BICC1: variants seen among roughly 807,000 people sequenced by gnomAD.
BICC1 encodes the protein protein bicaudal C homolog 1.
A neutral mutation model predicts 111.0 loss-of-function variants in BICC1; 43 were observed. The observed-to-expected ratio is 0.39, with a 90% confidence interval of 0.30 to 0.50. The LOEUF is 0.50. Ranked by LOEUF, BICC1 falls within the 20% of genes least tolerant of loss-of-function variation. The pLI, the probability that BICC1 is intolerant of heterozygous loss-of-function variation, is 0.88. For missense variants in BICC1, 1,091 were observed against 1,203.2 expected (o/e 0.91, Z 1.38); for synonymous variants, 467 against 434.4 (o/e 1.07, Z -0.93).
At chr10:58,783,008 G>A (rs1842921198) in intron 3 of BICC1, among the ~76,000 whole-genome samples, 1 of 152,202 alleles carries the variant, frequency 6.6e-6, no homozygotes, top group Non-Finnish European at 1.5e-5. Flanking sequence ...ACTTGGGTTG[G>A]TCAGACGCCC....
At chr10:58,600,663 C>A (rs10763564) in intron 1 of BICC1, among the ~76,000 whole-genome samples, 70,869 of 151,702 alleles carry the variant, frequency 0.47, 17,539 homozygotes, top group Admixed American at 0.63. Flanking sequence ...TTTTCTTGCA[C>A]CTATGCCACC....
intron 1 of BICC1, among the ~76,000 whole-genome samples, chr10:58,563,242 G>T (rs760301943): frequency 6.6e-6 from 1 of 152,108 alleles, no homozygotes; most frequent in Non-Finnish European, 1.5e-5. Flanking sequence ...GCTCTGTGCC[G>T]CAGCAGCCTG....
At chr10:58,525,438 C>A (rs1001230385) in intron 1 of BICC1, among the ~76,000 whole-genome samples, 6 of 117,862 alleles carry the variant, frequency 5.1e-5, no homozygotes, top group African/African-American at 1.6e-4. Context: ...GGGAAACCAT[C>A]ATTCTCAGCA....
At position 58,774,596 on chromosome 10, in the gene BICC1, A is replaced by G. The variant is rs1241218876; in HGVS notation, c.308-10405A>G. The stretch of plus-strand genomic sequence containing the variant: ...GTGACTCTGTTGCTTAGAAGTAATC[A>G]CTATTAATTTGGTTTTCTTCTCTTC... On this transcript the variant is annotated intron_variant, in intron 3 of 20. Coordinates refer to ENST00000373886, the MANE Select transcript of BICC1 (RefSeq NM_001080512.3). Among the ~76,000 whole-genome samples, 3 of 152,322 alleles carry G rather than the reference A, an allele frequency of 2.0e-5. No individual in the cohort carries two copies. In the East Asian group the frequency reaches 5.8e-4, roughly 29 times the overall value.
chr10:58,579,654 G>T (rs943144071), intron 1 of BICC1, among the ~76,000 whole-genome samples: 14 of 152,132 alleles, frequency 9.2e-5, no homozygotes, highest in African/African-American at 3.4e-4. Context: ...ATCCCTAATT[G>T]TTCCTAATTT....
Position 58,784,921 on chromosome 10 carries a change from C to CAATTTTA in BICC1, c.308-77_308-71dup, listed in dbSNP as rs1842968852. 5 of 668,834 alleles carry CAATTTTA rather than the reference C, an allele frequency of 7.5e-6. No homozygotes were observed. The Admixed American group carries it at 1.4e-4, about 19-fold the overall frequency. The allele number at this position is 668,834 out of a possible 1,614,324, so 41.4% of individuals were successfully genotyped here. On this transcript the variant is annotated intron_variant, in intron 3 of 20. Coordinates refer to ENST00000373886, the MANE Select transcript of BICC1 (RefSeq NM_001080512.3). Reference sequence around the variant, plus strand: ...TATGGAACCTCTTATGTTCTAGAGTCAATTTTAAAACAGAGTTTTTAAAAC... The same window carrying CAATTTTA: ...TATGGAACCTCTTATGTTCTAGAGTCAATTTTAAATTTTAAAACAGAGTTTTTAAAAC...
intron 3 of BICC1, among the ~76,000 whole-genome samples, chr10:58,777,665 C>T (rs1325573046): frequency 1.3e-5 from 2 of 152,076 alleles, no homozygotes; most frequent in Admixed American, 6.5e-5. Context: ...TCTTACAATT[C>T]GCTCACGTCA....
At chr10:58,701,925 T>C in intron 2 of BICC1, 149 bp from the exon 3 acceptor site, 1 of 546,388 alleles carries the variant, frequency 1.8e-6, no homozygotes, top group Admixed American at 3.7e-5. Flanking sequence ...CCCCAGGGTT[T>C]TTTTTTTCTT....
chr10:58,737,348 G>A (rs1317898100), intron 3 of BICC1, among the ~76,000 whole-genome samples: 3 of 152,154 alleles, frequency 2.0e-5, no homozygotes, highest in Admixed American at 6.5e-5. Context: ...AACATGCGGT[G>A]TTTGGTTTTT....
chr10:58,528,385 T>C (rs1842599655), intron 1 of BICC1, among the ~76,000 whole-genome samples: 1 of 151,886 alleles, frequency 6.6e-6, no homozygotes, highest in African/African-American at 2.4e-5. Context: ...TAATGTTAAT[T>C]ATATTTGTAT....
At chr10:58,512,548 G>A (rs2132478570), upstream of BICC1, among the ~76,000 whole-genome samples, 1 of 152,292 alleles carries the variant, frequency 6.6e-6, no homozygotes, top group Middle Eastern at 3.4e-3. Context: ...AGATTTGTAT[G>A]TGTAAGTGCA....
chr10:58,719,771 G>T (rs1161979641), intron 3 of BICC1, among the ~76,000 whole-genome samples: 2 of 152,188 alleles, frequency 1.3e-5, no homozygotes, highest in African/African-American at 4.8e-5. Context: ...ATTATCATTA[G>T]ATTTAGGATA....
chr10:58,601,413 T>C (rs1204928434), intron 1 of BICC1, among the ~76,000 whole-genome samples: 1 of 151,642 alleles, frequency 6.6e-6, no homozygotes, highest in African/African-American at 2.4e-5. Flanking sequence ...CAAATCCAAA[T>C]CATCTTTTCA....
At chr10:58,820,156 C>A (rs573661811) in intron 19 of BICC1, among the ~76,000 whole-genome samples, 2 of 152,144 alleles carry the variant, frequency 1.3e-5, no homozygotes, top group Admixed American at 1.3e-4. Flanking sequence ...CTATAGTTGC[C>A]GGGTTGCTCA....
intron 2 of BICC1, among the ~76,000 whole-genome samples, chr10:58,691,422 A>G (rs1839903769): frequency 6.6e-6 from 1 of 152,162 alleles, no homozygotes; most frequent in African/African-American, 2.4e-5. Context: ...ACATATTTTT[A>G]TGTCCCAGAG....
chr10:58,803,162 G>A lies in BICC1; in HGVS notation c.2101G>A (p.Ala701Thr), dbSNP rs775676179. 22 of 1,611,682 alleles carry A rather than the reference G, an allele frequency of 1.4e-5. No individual in the cohort carries two copies. Among genetic ancestry groups the A allele is most frequent in the Middle Eastern group, 1.7e-4 (1 of 6,044 alleles). ...ADKKAPGSER[A>T]AERAAAAQQN... ...CAAGAAGGCTCCAGGGAGTGAGCGC[G>A]CTGCAGAGAGGGCAGCAGCTGCCCA... The change falls in exon 15 of 21, where the codon GCT becomes ACT. Residue 701 changes from alanine to threonine, a missense_variant. By Grantham distance (58) the Ala-to-Thr change is moderately conservative (BLOSUM62 0). Coordinates refer to ENST00000373886, the MANE Select transcript of BICC1 (RefSeq NM_001080512.3).
In BICC1 at chr10:58,786,910, T is replaced by C. The variant is rs1843025510; in HGVS notation, c.388-13T>C. 1.9e-6 allele frequency: 3 copies of C among 1,552,436 alleles called. No homozygotes were observed. The highest frequency in any genetic ancestry group is 2.4e-5 in the East Asian group (1 of 42,092). ...TTGCATACATCAAGTAATAATACAT[T>C]ATTTTCACATAGAGCAATCGAGTCA... On this transcript the variant is annotated splice_polypyrimidine_tract_variant and intron_variant, in intron 4 of 20. Transcript: ENST00000373886.
chr10:58,513,066 G>A lies in BICC1; in HGVS notation c.-78G>A. Reference sequence around the variant, plus strand: ...AGCGCCGCGGCGCTGGGAGCCAGTTGAGCCCGGCCGGCGAGCGGAGGCGGC... The same window carrying A: ...AGCGCCGCGGCGCTGGGAGCCAGTTAAGCCCGGCCGGCGAGCGGAGGCGGC... On this transcript the variant is annotated 5_prime_UTR_variant, in exon 1 of 21. Coordinates refer to ENST00000373886, the MANE Select transcript of BICC1 (RefSeq NM_001080512.3). 8.5e-7 allele frequency: 1 copy of A among 1,180,346 alleles called. No homozygotes were observed. The highest frequency in any genetic ancestry group is 1.1e-6 in the Non-Finnish European group (1 of 931,064). The allele number at this position is 1,180,346 out of a possible 1,614,324, so 73.1% of individuals were successfully genotyped here. A position where few individuals can be genotyped will look rare whatever the true frequency, so the allele number is the denominator to read the frequency against.
upstream of BICC1, among the ~76,000 whole-genome samples, chr10:58,512,570 G>A (rs1448773785): frequency 6.6e-6 from 1 of 152,110 alleles, no homozygotes; most frequent in African/African-American, 2.4e-5. Flanking sequence ...AAAAGTAGTA[G>A]TGTGTGTGAT....
Sources: allele counts gnomAD v4.1 joint callset (sites outside exome capture counted in the v4.1 genomes callset), GRCh38; gene constraint gnomAD v4.1.1; transcripts MANE v1.5; gene names NCBI Gene and HGNC (gene_info 2026-07-23, HGNC 2026-07-21).